The following AFF2 variants were observed in gnomAD, a reference collection of about 807,000 sequenced individuals.
AFF2 encodes AF4/FMR2 family member 2.
A neutral mutation model predicts 76.9 loss-of-function variants in AFF2; 14 were observed. The ratio of observed to expected loss-of-function variants is 0.18; its 90% CI spans 0.12 to 0.28. The LOEUF (loss-of-function observed/expected upper bound fraction) is 0.28, where lower values mean the gene tolerates loss of function less well. Ranked by LOEUF, AFF2 falls within the 10% of genes least tolerant of loss-of-function variation. The pLI is 1.00. For synonymous variants in AFF2, 398 were observed against 366.7 expected (o/e 1.09, Z -0.98); for missense variants, 868 against 1,001.1 (o/e 0.87, Z 1.79).
Position 148,995,455 on chromosome X carries a change from T to C in AFF2, c.*4123T>C, listed in dbSNP as rs1320294535. The C allele has an allele frequency of 1.2e-4, 2 of 16,475 alleles. No homozygotes were observed. The highest frequency in any genetic ancestry group is 1.2e-4 in the Non-Finnish European group (1 of 8,479). 1.4% of individuals were successfully genotyped at this position (16,475 alleles called of 1,213,427 possible). A position where few individuals can be genotyped will look rare whatever the true frequency, so the allele number is the denominator to read the frequency against. Reference sequence around the variant, plus strand: ...ATCTACCAGCTAAAAGAAAATTGCATTGTGGGGAGGGCAGAAAGGGGGTGG... The same window carrying C: ...ATCTACCAGCTAAAAGAAAATTGCACTGTGGGGAGGGCAGAAAGGGGGTGG... On this transcript the variant is annotated 3_prime_UTR_variant, in exon 21 of 21. Coordinates refer to ENST00000370460, the MANE Select transcript of AFF2 (RefSeq NM_002025.4).
intron 3 of AFF2, among the ~76,000 whole-genome samples, chrX:148,766,614 C>G (rs2069521840): frequency 9.3e-6 from 1 of 107,077 alleles, no homozygotes. Flanking sequence ...AGCCCTTTGT[C>G]AGATGAGTAG....
chrX:148,537,938 T>C (rs1271648644), intron 1 of AFF2, among the ~76,000 whole-genome samples: 1 of 112,494 alleles, frequency 8.9e-6, no homozygotes, highest in African/African-American at 3.2e-5. Flanking sequence ...CAAACCCTGA[T>C]AGCTGTGTCC....
intron 3 of AFF2, among the ~76,000 whole-genome samples, chrX:148,723,170 G>T (rs782130339): frequency 2.7e-5 from 3 of 112,001 alleles, no homozygotes; most frequent in African/African-American, 9.7e-5. Context: ...CTAGCCCAGG[G>T]CAGAAGGCCA....
chrX:148,905,402 C>A (rs1490114919), intron 9 of AFF2, among the ~76,000 whole-genome samples: 2 of 111,807 alleles, frequency 1.8e-5, no homozygotes, highest in Non-Finnish European at 3.8e-5. Flanking sequence ...TTTGTCAGGT[C>A]GTGCAGCTGG....
intron 3 of AFF2, among the ~76,000 whole-genome samples, chrX:148,672,202 G>T (rs1285887145): frequency 3.6e-5 from 4 of 112,248 alleles, no homozygotes; most frequent in Non-Finnish European, 7.5e-5. Flanking sequence ...TGACATGAAA[G>T]AAAATAATCT....
intron 1 of AFF2, among the ~76,000 whole-genome samples, chrX:148,534,978 T>C (rs782703355): frequency 7.2e-5 from 8 of 111,750 alleles, no homozygotes; most frequent in Admixed American, 3.8e-4. Flanking sequence ...AGGTGTGGCT[T>C]TGTGGTCAGA....
intron 1 of AFF2, among the ~76,000 whole-genome samples, chrX:148,557,201 TAAGA>T (rs2053061560): frequency 8.9e-6 from 1 of 112,176 alleles, no homozygotes. Flanking sequence ...GTGTTGCTTC[TAAGA>T]GTCAGCATTT....
intron 2 of AFF2, among the ~76,000 whole-genome samples, chrX:148,657,247 A>G (rs1465459324): frequency 6.3e-5 from 7 of 111,705 alleles, no homozygotes; most frequent in African/African-American, 2.3e-4. Flanking sequence ...CTTGCTTTGA[A>G]ATCTGTAAGG....
At chrX:148,918,436 G>C (rs1569557076) in intron 9 of AFF2, among the ~76,000 whole-genome samples, 1 of 111,980 alleles carries the variant, frequency 8.9e-6, no homozygotes, top group Non-Finnish European at 1.9e-5. Context: ...ATTGATAGGA[G>C]AGAGTATGAT....
intron 3 of AFF2, among the ~76,000 whole-genome samples, chrX:148,736,119 C>G (rs1557265064): frequency 8.9e-6 from 1 of 112,028 alleles, no homozygotes. Flanking sequence ...CTGTTTTCCT[C>G]TGGTTAGATA....
At chrX:148,537,521 T>C (rs1232242342) in intron 1 of AFF2, among the ~76,000 whole-genome samples, 1 of 91,969 alleles carries the variant, frequency 1.1e-5, no homozygotes, top group African/African-American at 4.0e-5. Flanking sequence ...AGGAGAAATT[T>C]GTTTCTAAAT....
intron 16 of AFF2, 44 bp from the exon 17 acceptor site, chrX:148,977,889 A>G: frequency 1.0e-6 from 1 of 958,714 alleles, no homozygotes; most frequent in South Asian, 2.0e-5. Context: ...GCATTTCTGA[A>G]GGGTAATACA....
intron 9 of AFF2, among the ~76,000 whole-genome samples, chrX:148,953,335 G>T (rs1046146840): frequency 8.9e-6 from 1 of 111,875 alleles, no homozygotes; most frequent in African/African-American, 3.3e-5. Flanking sequence ...GGCTTTTCTG[G>T]AAGACAAGGC....
intron 3 of AFF2, among the ~76,000 whole-genome samples, chrX:148,723,880 T>G (rs190873753): frequency 9.0e-6 from 1 of 110,761 alleles, no homozygotes; most frequent in African/African-American, 3.3e-5. Context: ...AAAATTGTAT[T>G]CAGGTTTGAA....
intron 1 of AFF2, among the ~76,000 whole-genome samples, chrX:148,503,630 CTT>C (rs1557232139): frequency 8.9e-6 from 1 of 112,393 alleles, no homozygotes; most frequent in Non-Finnish European, 1.9e-5. Flanking sequence ...TGAAGAAAGA[CTT>C]TACATACACA....
At chrX:148,989,286 C>A (rs2072508903) in intron 20 of AFF2, among the ~76,000 whole-genome samples, 1 of 112,499 alleles carries the variant, frequency 8.9e-6, no homozygotes, top group Non-Finnish European at 1.9e-5. Flanking sequence ...TTTATCATTG[C>A]ATCCATTTTC....
intron 9 of AFF2, among the ~76,000 whole-genome samples, chrX:148,917,305 T>TGGGG (rs1260759029): frequency 8.1e-5 from 9 of 111,429 alleles, no homozygotes; most frequent in Non-Finnish European, 3.8e-5. Flanking sequence ...TCCCTATGAA[T>TGGGG]GGGGGTTAGT....
Position 148,998,445 on chromosome X carries a change from G to A in AFF2, c.*7113G>A, listed in dbSNP as rs1557293666. ...TAAAACATGCCCCCTGGAAAGGCAT[G>A]CTGTATTATGAAATCGTGATAATAT... On this transcript the variant is annotated 3_prime_UTR_variant, in exon 21 of 21. Transcript: ENST00000370460. The A allele has an allele frequency of 8.9e-6, 1 of 112,751 alleles. No homozygotes were observed. The highest frequency in any genetic ancestry group is 1.9e-5 in the Non-Finnish European group (1 of 53,345). 9.3% of individuals were successfully genotyped at this position (112,751 alleles called of 1,213,427 possible). A position where few individuals can be genotyped will look rare whatever the true frequency, so the allele number is the denominator to read the frequency against.
intron 7 of AFF2, among the ~76,000 whole-genome samples, chrX:148,857,605 A>G (rs1400206971): frequency 8.9e-6 from 1 of 111,801 alleles, no homozygotes; most frequent in Non-Finnish European, 1.9e-5. Flanking sequence ...TAAAAGCCTG[A>G]AACTGCAGGT....
Sources: gnomAD v4.1 joint callset for allele counts (sites outside exome capture counted in the v4.1 genomes callset) on GRCh38, gnomAD v4.1.1 for gene constraint, MANE v1.5 for transcripts, NCBI Gene and HGNC (gene_info 2026-07-23, HGNC 2026-07-21) for gene names.